FXYD2: variants seen among roughly 807,000 people sequenced by gnomAD.
FXYD2 encodes FXYD domain containing ion transport regulator 2, also known as sodium/potassium-transporting ATPase subunit gamma.
A neutral mutation model predicts 11.8 loss-of-function variants in FXYD2; 8 were observed. That is an observed-to-expected ratio of 0.68 (90% CI 0.40 to 1.22). The LOEUF is 1.22. Among genes scored for constraint, FXYD2 ranks in the 50% most tolerant of loss-of-function variants. The pLI, the probability that FXYD2 is intolerant of heterozygous loss-of-function variation, is 0.01. For missense variants in FXYD2, 92 were observed against 91.8 expected (o/e 1.00, Z -0.01); for synonymous variants, 42 against 33.3 (o/e 1.26, Z -0.90).
upstream of FXYD2, chr11:117,824,851 G>T (rs1365329859): frequency 1.6e-5 from 13 of 814,928 alleles, no homozygotes; most frequent in Non-Finnish European, 2.4e-5. This position sits in a 1 kb window ranked among gnomAD's most constrained non-coding sequence, Gnocchi z 4.0. Context: ...GGATGGAGGG[G>T]CTCCTTCTGC....
chr11:117,823,528 T>C (rs1591535575), intron 1 of FXYD2, among the ~76,000 whole-genome samples: 5 of 152,318 alleles, frequency 3.3e-5, no homozygotes, highest in Admixed American at 3.3e-4. Context: ...AAGGAGCCCG[T>C]TAGAGGTAAG....
At position 117,822,615 on chromosome 11, in the gene FXYD2, A is replaced by G; in HGVS notation, c.64+64T>C. The G allele has an allele frequency of 6.3e-7, 1 of 1,588,472 alleles. No homozygotes were observed. The highest frequency in any genetic ancestry group is 1.3e-5 in the African/African-American group (1 of 74,800). On this transcript the variant is annotated intron_variant, in intron 2 of 5. Transcript: ENST00000292079. This position sits in a 1 kb window ranked among gnomAD's most constrained non-coding sequence, Gnocchi z 4.7. ...CAGAGCATGGACCTGGGGCTGGGAG[A>G]GGCCGCTGCTTGGTGGAAGGGGTCC...
intron 5 of FXYD2, 25 bp from the exon 6 acceptor site, chr11:117,820,397 G>T: frequency 1.8e-6 from 1 of 547,540 alleles, no homozygotes; most frequent in Non-Finnish European, 3.2e-6. Context: ...GCAGGATGGG[G>T]TTGGGTGGGA....
chr11:117,825,769 C>T (rs144645708), upstream of FXYD2, among the ~76,000 whole-genome samples: 11 of 152,268 alleles, frequency 7.2e-5, no homozygotes, highest in East Asian at 1.9e-4. Flanking sequence ...GTAGAATCCT[C>T]GTTGAGTTCT....
chr11:117,822,158 G>A lies in FXYD2; in HGVS notation c.139+248C>T, dbSNP rs1183925901. ...CCTCCGGTTACCCAGTTACCCCGTGGGTTTGCTCTCACTTCTGCGGCTCCT... is the reference window on the plus strand; with the variant it reads ...CCTCCGGTTACCCAGTTACCCCGTGAGTTTGCTCTCACTTCTGCGGCTCCT... On this transcript the variant is annotated intron_variant, in intron 3 of 5. Transcript: ENST00000292079. The surrounding 1 kb of genome is among the most constrained non-coding windows in gnomAD (Gnocchi z 4.7). 2 of 1,415,634 alleles carry A rather than the reference G, an allele frequency of 1.4e-6. No homozygotes were observed. The highest frequency in any genetic ancestry group is 1.4e-5 in the African/African-American group (1 of 69,566). The allele number at this position is 1,415,634 out of a possible 1,614,324, so 87.7% of individuals were successfully genotyped here. A position where few individuals can be genotyped will look rare whatever the true frequency, so the allele number is the denominator to read the frequency against.
At chr11:117,823,277 G>C (rs2055955180) in intron 1 of FXYD2, among the ~76,000 whole-genome samples, 1 of 152,148 alleles carries the variant, frequency 6.6e-6, no homozygotes, top group African/African-American at 2.4e-5. Context: ...TTAATATATA[G>C]TGCTGGTCAG....
In FXYD2 at chr11:117,822,837, G is replaced by T; in HGVS notation, c.26-120C>A. Reference sequence around the variant, plus strand: ...CCCTCGAGGGTCCAAGCAGGCGAGGGGAGGCTGGGAGCAGGGGTGTTGCTA... The same window carrying T: ...CCCTCGAGGGTCCAAGCAGGCGAGGTGAGGCTGGGAGCAGGGGTGTTGCTA... On this transcript the variant is annotated intron_variant, in intron 1 of 5. Coordinates refer to ENST00000292079, the MANE Select transcript of FXYD2 (RefSeq NM_001680.5). This position sits in a 1 kb window ranked among gnomAD's most constrained non-coding sequence, Gnocchi z 4.7. The T allele has an allele frequency of 3.7e-6, 5 of 1,354,110 alleles. No homozygotes were observed. Among genetic ancestry groups the T allele is most frequent in the Non-Finnish European group, 4.1e-6 (4 of 979,260 alleles). 83.9% of individuals were successfully genotyped at this position (1,354,110 alleles called of 1,614,324 possible).
At chr11:117,821,290 G>A in intron 3 of FXYD2, 1 of 927,302 alleles carries the variant, frequency 1.1e-6, no homozygotes, top group Non-Finnish European at 1.3e-6. Flanking sequence ...TAAACTCCTG[G>A]TCTCAAGAGA....
chr11:117,828,065 C>A, upstream of FXYD2: 2 of 1,549,916 alleles, frequency 1.3e-6, no homozygotes, highest in Middle Eastern at 3.8e-4. Flanking sequence ...GGAGGTGCTG[C>A]TTGCCTGGGG....
In FXYD2 at chr11:117,822,229, C is replaced by T; in HGVS notation, c.139+177G>A. 1 of 1,498,714 alleles carries T rather than the reference C, an allele frequency of 6.7e-7. No homozygotes were observed. Among genetic ancestry groups the T allele is most frequent in the Non-Finnish European group, 8.9e-7 (1 of 1,124,526 alleles). 92.8% of individuals were successfully genotyped at this position (1,498,714 alleles called of 1,614,324 possible). On this transcript the variant is annotated intron_variant, in intron 3 of 5. Coordinates refer to ENST00000292079, the MANE Select transcript of FXYD2 (RefSeq NM_001680.5). This position sits in a 1 kb window ranked among gnomAD's most constrained non-coding sequence, Gnocchi z 4.7. ...CACTTGAGCAAGCAGGAACCTCACA[C>T]TGTGCTCCCAGCGAGCCTGGCACCC...
At chr11:117,821,969 C>A (rs934943579) in intron 3 of FXYD2, 1 of 1,095,500 alleles carries the variant, frequency 9.1e-7, no homozygotes, top group African/African-American at 1.6e-5. Flanking sequence ...TTTGTCTCCC[C>A]CAGAACACTC....
upstream of FXYD2, chr11:117,827,854 C>T (rs1565304378): frequency 7.0e-6 from 5 of 719,422 alleles, no homozygotes; most frequent in African/African-American, 1.7e-5. Flanking sequence ...TATGGAGATG[C>T]TCTTTTTTGG....
At chr11:117,820,462 G>T in intron 5 of FXYD2, 90 bp from the exon 6 acceptor site, 1 of 617,504 alleles carries the variant, frequency 1.6e-6, no homozygotes, top group Non-Finnish European at 2.8e-6. Flanking sequence ...TTTCTCCAGG[G>T]CTCCTCTGTG....
At chr11:117,820,511 A>ATCATTTTAAACACACGATGGGTGACAGG (rs2055872549) in intron 5 of FXYD2, 139 bp from the exon 6 acceptor site, 2 of 904,844 alleles carry the variant, frequency 2.2e-6, no homozygotes, top group Admixed American at 4.6e-5. Context: ...GCCCTTGGCC[A>ATCATTTTAAACACACGATGGGTGACAGG]TCATTTTAAA....
Position 117,820,344 on chromosome 11 carries a change from C to A in FXYD2, c.*35G>T. 1 of 426,876 alleles carries A rather than the reference C, an allele frequency of 2.3e-6. No individual in the cohort carries two copies. The highest frequency in any genetic ancestry group is 4.1e-5 in the East Asian group (1 of 24,176). 26.4% of individuals were successfully genotyped at this position (426,876 alleles called of 1,614,324 possible). A position where few individuals can be genotyped will look rare whatever the true frequency, so the allele number is the denominator to read the frequency against. ...GGGCCATGCTTGGCTTCCCAGCTGG[C>A]CCCAGTGCAGTGGGTGGCACCGCCG... On this transcript the variant is annotated 3_prime_UTR_variant, in exon 6 of 6. Transcript: ENST00000292079.
Position 117,822,038 on chromosome 11 carries a change from A to G in FXYD2, c.139+368T>C. On this transcript the variant is annotated intron_variant, in intron 3 of 5. Transcript: ENST00000292079. This position sits in a 1 kb window ranked among gnomAD's most constrained non-coding sequence, Gnocchi z 4.7. Reference sequence around the variant, plus strand: ...CCTGACTGCCATGTCTTTGGATGCTAGCCCTAATCTTGTGAGGCAGGTGGG... The same window carrying G: ...CCTGACTGCCATGTCTTTGGATGCTGGCCCTAATCTTGTGAGGCAGGTGGG... 8.3e-7 allele frequency: 1 copy of G among 1,209,824 alleles called. No homozygotes were observed. Among genetic ancestry groups the G allele is most frequent in the Non-Finnish European group, 1.0e-6 (1 of 958,542 alleles). 74.9% of individuals were successfully genotyped at this position (1,209,824 alleles called of 1,614,324 possible). A position where few individuals can be genotyped will look rare whatever the true frequency, so the allele number is the denominator to read the frequency against.
At chr11:117,826,778 G>GTCTGTCTA (rs1344802450), upstream of FXYD2, among the ~76,000 whole-genome samples, 285 of 125,872 alleles carry the variant, frequency 2.3e-3, no homozygotes, top group African/African-American at 4.6e-3. Flanking sequence ...CTGTCTGTCT[G>GTCTGTCTA]TCTATCTATC....
At position 117,822,535 on chromosome 11, in the gene FXYD2, C is replaced by T. The variant is rs1370588568; in HGVS notation, c.65-55G>A. Reference sequence around the variant, plus strand: ...ATGGGTGGTCTCTCCCAGCAGCTGTCTCTCTCCGCAGCCTGCCCGCAGCAG... The same window carrying T: ...ATGGGTGGTCTCTCCCAGCAGCTGTTTCTCTCCGCAGCCTGCCCGCAGCAG... On this transcript the variant is annotated intron_variant, in intron 2 of 5. Coordinates refer to ENST00000292079, the MANE Select transcript of FXYD2 (RefSeq NM_001680.5). This position sits in a 1 kb window ranked among gnomAD's most constrained non-coding sequence, Gnocchi z 4.7. 1 of 1,556,078 alleles carries T rather than the reference C, an allele frequency of 6.4e-7. No homozygotes were observed. Among genetic ancestry groups the T allele is most frequent in the Non-Finnish European group, 8.7e-7 (1 of 1,149,194 alleles).
chr11:117,821,613 G>A (rs1024826744), intron 3 of FXYD2: 17 of 985,886 alleles, frequency 1.7e-5, no homozygotes, highest in African/African-American at 5.2e-5. Context: ...GCTGCCACCC[G>A]GCACTGCCCT....
Sources: gnomAD v4.1 joint callset for allele counts (sites outside exome capture counted in the v4.1 genomes callset) on GRCh38, gnomAD v4.1.1 for gene constraint, Gnocchi (gnomAD v3.1) non-coding constraint, MANE v1.5 for transcripts, NCBI Gene and HGNC (gene_info 2026-07-23, HGNC 2026-07-21) for gene names.